Variants in TOM1L2 observed in about 807,000 individuals in gnomAD.
The protein encoded by TOM1L2 is TOM1-like protein 2.
A neutral mutation model predicts 67.9 loss-of-function variants in TOM1L2; 31 were observed. The observed-to-expected ratio is 0.46, with a 90% CI of 0.34 to 0.62. The LOEUF (loss-of-function observed/expected upper bound fraction) is 0.62, where lower values mean the gene tolerates loss of function less well. Among genes scored for constraint, TOM1L2 ranks in the 20% least tolerant of loss-of-function variants. The pLI, the probability that TOM1L2 is intolerant of heterozygous loss-of-function variation, is 0.01. For synonymous variants in TOM1L2, 256 were observed against 254.0 expected, an observed-to-expected ratio of 1.01 and a Z score of -0.07; for missense variants, 606 against 663.5, an observed-to-expected ratio of 0.91 and a Z score of 0.95.
At chr17:17,956,066 A>G (rs2041429475) in intron 1 of TOM1L2, among the ~76,000 whole-genome samples, 1 of 152,090 alleles carries the variant, frequency 6.6e-6, no homozygotes, top group Non-Finnish European at 1.5e-5. Context: ...AAGCAGCAAC[A>G]TTTGTTTCAA....
At chr17:17,932,663 T>C (rs2040382391) in intron 1 of TOM1L2, among the ~76,000 whole-genome samples, 1 of 152,176 alleles carries the variant, frequency 6.6e-6, no homozygotes, top group Non-Finnish European at 1.5e-5. Flanking sequence ...CAGACAGAAC[T>C]ACATGCAAAT....
chr17:17,882,315 C>T (rs942180625), intron 6 of TOM1L2, among the ~76,000 whole-genome samples: 1 of 152,226 alleles, frequency 6.6e-6, no homozygotes, highest in Non-Finnish European at 1.5e-5. Context: ...CCTACATATG[C>T]GCCTGCTCTC....
Position 17,952,328 on chromosome 17 carries a change from T to C in TOM1L2, c.52+19934A>G, listed in dbSNP as rs146312145. Among the ~76,000 whole-genome samples, 487 of 151,144 alleles carry C rather than the reference T, an allele frequency of 3.2e-3. 5 individuals carry two copies. Among genetic ancestry groups the C allele is most frequent in the Non-Finnish European group, 5.3e-3 (360 of 67,830 alleles). ...TTACCTCTGGGGAGCCTAGTTGGGC[T>C]GAGAAATTAAGGGCTCACTCTTTAT... On this transcript the variant is annotated intron_variant, in intron 1 of 14. Coordinates refer to ENST00000379504, the MANE Select transcript of TOM1L2 (RefSeq NM_001082968.2).
At chr17:17,891,106 A>G (rs2038248636) in intron 4 of TOM1L2, among the ~76,000 whole-genome samples, 1 of 152,206 alleles carries the variant, frequency 6.6e-6, no homozygotes, top group South Asian at 2.1e-4. Flanking sequence ...GGACCAGGAA[A>G]CTGTCCAGCC....
At chr17:17,868,270 G>A (rs528944621) in intron 8 of TOM1L2, among the ~76,000 whole-genome samples, 1 of 152,322 alleles carries the variant, frequency 6.6e-6, no homozygotes, top group South Asian at 2.1e-4. Flanking sequence ...TTATTCACCT[G>A]TCAGGTGGGC....
chr17:17,917,181 A>C (rs1009326479), intron 1 of TOM1L2, among the ~76,000 whole-genome samples: 1 of 151,486 alleles, frequency 6.6e-6, no homozygotes, highest in African/African-American at 2.4e-5. Context: ...AAATTTAAAA[A>C]ATTAGCTGGG....
At chr17:17,960,535 G>A (rs1048318620) in intron 1 of TOM1L2, among the ~76,000 whole-genome samples, 3 of 151,982 alleles carry the variant, frequency 2.0e-5, no homozygotes, top group Non-Finnish European at 4.4e-5. Flanking sequence ...ACGGAATTTC[G>A]CCATGTTGCC....
At chr17:17,945,545 C>G (rs1312022563) in intron 1 of TOM1L2, among the ~76,000 whole-genome samples, 1 of 152,182 alleles carries the variant, frequency 6.6e-6, no homozygotes, top group Non-Finnish European at 1.5e-5. Context: ...CTTAGGGAGA[C>G]CCACATTACA....
At chr17:17,877,563 G>A (rs2037484876) in intron 7 of TOM1L2, among the ~76,000 whole-genome samples, 1 of 152,190 alleles carries the variant, frequency 6.6e-6, no homozygotes, top group African/African-American at 2.4e-5. Flanking sequence ...TTGACTGCCA[G>A]GGGAAGAAGG....
intron 5 of TOM1L2, 91 bp from the exon 6 acceptor site, chr17:17,882,954 A>G (rs2037808521): frequency 6.6e-7 from 1 of 1,505,658 alleles, no homozygotes; most frequent in Admixed American, 1.7e-5. Flanking sequence ...CACTTCCCCA[A>G]GGCTGCCCAC....
At chr17:17,853,239 G>T (rs375411914) in intron 12 of TOM1L2, among the ~76,000 whole-genome samples, 22 of 152,346 alleles carry the variant, frequency 1.4e-4, no homozygotes, top group Middle Eastern at 3.4e-3. Context: ...TCTCCAGAGA[G>T]AAAATAGTCC....
chr17:17,861,621 C>T, intron 11 of TOM1L2, 70 bp from the exon 12 acceptor site: 1 of 1,342,834 alleles, frequency 7.4e-7, no homozygotes, highest in Non-Finnish European at 1.1e-6. Flanking sequence ...GGGGTAGTGG[C>T]CTGTAATCAC....
intron 1 of TOM1L2, among the ~76,000 whole-genome samples, chr17:17,933,796 C>T (rs941068749): frequency 6.6e-6 from 1 of 152,218 alleles, no homozygotes; most frequent in African/African-American, 2.4e-5. Flanking sequence ...AATGGCCTTG[C>T]TCAGCATCCA....
intron 4 of TOM1L2, among the ~76,000 whole-genome samples, chr17:17,885,919 C>T (rs1361447775): frequency 9.7e-6 from 1 of 103,156 alleles, no homozygotes; most frequent in African/African-American, 3.6e-5. Context: ...AGCAAGACTC[C>T]GTCTCAAAAA....
At chr17:17,868,566 T>A (rs1352144379) in intron 8 of TOM1L2, among the ~76,000 whole-genome samples, 1 of 152,144 alleles carries the variant, frequency 6.6e-6, no homozygotes, top group East Asian at 1.9e-4. Context: ...GTTGGCCTGA[T>A]CATGGTCCTT....
chr17:17,953,172 T>C (rs898679835), intron 1 of TOM1L2, among the ~76,000 whole-genome samples: 16 of 152,060 alleles, frequency 1.1e-4, no homozygotes, highest in African/African-American at 3.6e-4. Context: ...CCCAGCTACT[T>C]AGGAGGCTGA....
chr17:17,910,396 C>T (rs1436794255), intron 1 of TOM1L2, among the ~76,000 whole-genome samples: 2 of 152,160 alleles, frequency 1.3e-5, no homozygotes, highest in Non-Finnish European at 2.9e-5. Context: ...AATGCATTTA[C>T]ATCAGATGAA....
chr17:17,853,661 G>A (rs1828880519), intron 12 of TOM1L2, among the ~76,000 whole-genome samples: 1 of 152,236 alleles, frequency 6.6e-6, no homozygotes, highest in Non-Finnish European at 1.5e-5. Flanking sequence ...AAGCCCTAGA[G>A]GGCACGCTGA....
Position 17,862,757 on chromosome 17 carries a change from T to G in TOM1L2, c.1176A>C (p.Gly392=). The change falls in exon 11 of 15, where the codon GGA becomes GGC. Residue 392 remains glycine, a synonymous_variant. Transcript: ENST00000379504. ...DGFDMFAQTR[G]NSLAEQRKTV... Reference sequence around the variant, plus strand: ...TCTTGCGCTGCTCAGCCAAGGAGTTTCCTCTCGTCTGGGCAAACATGTCAA... The same window carrying G: ...TCTTGCGCTGCTCAGCCAAGGAGTTGCCTCTCGTCTGGGCAAACATGTCAA... 6.2e-7 allele frequency: 1 copy of G among 1,613,836 alleles called. No homozygotes were observed. Among genetic ancestry groups the G allele is most frequent in the South Asian group, 1.1e-5 (1 of 91,064 alleles).
Sources: allele counts gnomAD v4.1 joint callset (sites outside exome capture counted in the v4.1 genomes callset), GRCh38; gene constraint gnomAD v4.1.1; transcripts MANE v1.5; gene names NCBI Gene and HGNC (gene_info 2026-07-23, HGNC 2026-07-21).